The following F2RL1 variants were observed in gnomAD, a reference collection of about 807,000 sequenced individuals.
The protein encoded by F2RL1 is F2R like trypsin receptor 1.
A neutral mutation model predicts 21.7 loss-of-function variants in F2RL1; 16 were observed. The observed-to-expected ratio is 0.74, with a 90% confidence interval of 0.50 to 1.12. The LOEUF (loss-of-function observed/expected upper bound fraction) is 1.12. Among genes scored for constraint, F2RL1 ranks in the 50% most tolerant of loss-of-function variants. The pLI is 0.00. For synonymous variants in F2RL1, 181 were observed against 186.7 expected, an observed-to-expected ratio of 0.97 and a Z score of 0.25; for missense variants, 432 against 477.8, an observed-to-expected ratio of 0.90 and a Z score of 0.89.
intron 1 of F2RL1, among the ~76,000 whole-genome samples, chr5:76,823,012 C>G (rs1235047651): frequency 6.6e-6 from 1 of 152,120 alleles, no homozygotes; most frequent in Admixed American, 6.6e-5. Context: ...GGGTGGATCA[C>G]AAGGTCAGGA....
In F2RL1 at chr5:76,833,583, T is replaced by C. The variant is rs1359132042; in HGVS notation, c.976T>C (p.Tyr326His). 2 of 1,613,812 alleles carry C rather than the reference T, an allele frequency of 1.2e-6. No individual in the cohort carries two copies. The highest frequency in any genetic ancestry group is 1.7e-6 in the Non-Finnish European group (2 of 1,179,998). Residue 326 changes from tyrosine (Y) to histidine (H), a missense_variant, in exon 2 of 2, where the codon TAC becomes CAC. Coordinates refer to ENST00000296677, the MANE Select transcript of F2RL1 (RefSeq NM_005242.6). ...SQGQSHVYALYIVALCLSTLN... is the reference protein window; with the variant it reads ...SQGQSHVYALHIVALCLSTLN... The stretch of plus-strand genomic sequence containing the variant: ...GGGCCAGAGCCATGTCTATGCCCTG[T>C]ACATTGTAGCCCTCTGCCTCTCTAC...
rs1361953116 is a variant in F2RL1 at position 76,833,383 on chromosome 5, C to T, written c.776C>T (p.Ala259Val). The change falls in exon 2 of 2, where the codon GCC becomes GTC. Residue 259 changes from alanine (A) to valine (V), a missense_variant. Physicochemically the swap from Ala to Val is moderately conservative, Grantham distance 64. Transcript: ENST00000296677. ...TTTCTGTTCCCAGCCTTCCTCACAG[C>T]CTCTGCCTATGTGCTGATGATCAGA... is the stretch of plus-strand genomic sequence containing the variant. ...GVFLFPAFLT[A>V]SAYVLMIRML... 1 of 1,613,930 alleles carries T rather than the reference C, an allele frequency of 6.2e-7. No homozygotes were observed. Among genetic ancestry groups the T allele is most frequent in the Admixed American group, 1.7e-5 (1 of 59,992 alleles).
intron 1 of F2RL1, among the ~76,000 whole-genome samples, chr5:76,823,355 TTG>T (rs766644664): frequency 8.0e-5 from 12 of 149,402 alleles, no homozygotes; most frequent in Non-Finnish European, 1.2e-4. Context: ...CGGGTTTTGT[TTG>T]TTTGGTTGGT....
intron 1 of F2RL1, among the ~76,000 whole-genome samples, chr5:76,822,816 A>C (rs1691239959): frequency 6.6e-6 from 1 of 152,136 alleles, no homozygotes; most frequent in African/African-American, 2.4e-5. Flanking sequence ...ATTTGGGGTG[A>C]GGGGATCATA....
At position 76,825,339 on chromosome 5, in the gene F2RL1, G is replaced by A. The variant is rs543717262; in HGVS notation, c.82+6075G>A. The stretch of plus-strand genomic sequence containing the variant: ...TTTCAATTGACTGTATATTGTGGCT[G>A]TCTTTCCATTTCAATATTATTGGCT... On this transcript the variant is annotated intron_variant, in intron 1 of 1. Transcript: ENST00000296677. Among the ~76,000 whole-genome samples, 203 of 152,130 alleles carry A rather than the reference G, an allele frequency of 1.3e-3. No individual in the cohort carries two copies. In the Middle Eastern group the frequency reaches 0.02, roughly 15 times the overall value.
chr5:76,819,304 G>T, intron 1 of F2RL1, 40 bp downstream of exon 1: 9 of 1,536,494 alleles, frequency 5.9e-6, no homozygotes, highest in Non-Finnish European at 7.0e-6. Flanking sequence ...TCTCTGAGGA[G>T]CTGGGGTCCT....
chr5:76,819,483 C>T (rs1249098577), intron 1 of F2RL1, among the ~76,000 whole-genome samples: 1 of 152,088 alleles, frequency 6.6e-6, no homozygotes, highest in African/African-American at 2.4e-5. Context: ...GTCAGCGGAG[C>T]CGGGCAGAGG....
At chr5:76,820,096 G>T (rs1423927723) in intron 1 of F2RL1, among the ~76,000 whole-genome samples, 1 of 152,212 alleles carries the variant, frequency 6.6e-6, no homozygotes, top group African/African-American at 2.4e-5. Context: ...ACCCAGGTCT[G>T]CAGGCCAGAG....
intron 1 of F2RL1, among the ~76,000 whole-genome samples, chr5:76,824,604 G>A (rs920480929): frequency 3.9e-5 from 6 of 152,148 alleles, no homozygotes; most frequent in African/African-American, 7.2e-5. Context: ...TGGGTTTACA[G>A]GCGTGAGCCA....
chr5:76,832,288 A>G (rs1409819615), intron 1 of F2RL1, among the ~76,000 whole-genome samples: 1 of 152,128 alleles, frequency 6.6e-6, no homozygotes, highest in East Asian at 1.9e-4. Context: ...CTCTAATAGT[A>G]CATTTCTGTT....
intron 1 of F2RL1, among the ~76,000 whole-genome samples, chr5:76,823,962 G>A (rs1415435014): frequency 1.3e-5 from 2 of 151,514 alleles, no homozygotes; most frequent in Middle Eastern, 6.9e-3. Flanking sequence ...ACAGACGCCC[G>A]CCACCATGCC....
At position 76,819,169 on chromosome 5, in the gene F2RL1, G is replaced by A. The variant is rs1173018316; in HGVS notation, c.-14G>A. 1.3e-6 allele frequency: 2 copies of A among 1,570,890 alleles called. No individual in the cohort carries two copies. Among genetic ancestry groups the A allele is most frequent in the Admixed American group, 3.8e-5 (2 of 53,222 alleles). On this transcript the variant is annotated 5_prime_UTR_variant, in exon 1 of 2. Coordinates refer to ENST00000296677, the MANE Select transcript of F2RL1 (RefSeq NM_005242.6). Reference sequence around the variant, plus strand: ...CGGATTCCCCGCGCGCCCGGCGTCGGGGCTTCCAGGAGGATGCGGAGCCCC... The same window carrying A: ...CGGATTCCCCGCGCGCCCGGCGTCGAGGCTTCCAGGAGGATGCGGAGCCCC...
chr5:76,823,746 T>C (rs1479546434), intron 1 of F2RL1, among the ~76,000 whole-genome samples: 1 of 151,902 alleles, frequency 6.6e-6, no homozygotes, highest in Admixed American at 6.6e-5. Context: ...CTGTACATAC[T>C]GTGCTATGAT....
intron 1 of F2RL1, 113 bp from the exon 2 acceptor site, chr5:76,832,577 C>A (rs1750368515): frequency 9.3e-7 from 1 of 1,077,358 alleles, no homozygotes; most frequent in Non-Finnish European, 1.3e-6. Context: ...ACAGCGAGAC[C>A]CTGTCTCATA....
chr5:76,819,523 G>A (rs771683866), intron 1 of F2RL1, among the ~76,000 whole-genome samples: 2 of 152,158 alleles, frequency 1.3e-5, no homozygotes, highest in Non-Finnish European at 2.9e-5. Flanking sequence ...CCCACTTCCC[G>A]TAGAGGCTGT....
At position 76,833,941 on chromosome 5, in the gene F2RL1, G is replaced by A; in HGVS notation, c.*140G>A. ...GCAGCACCTCTCAGGATTGCTAGGA[G>A]CTCCCCTGTTTGCATGAGAAAAGTA... On this transcript the variant is annotated 3_prime_UTR_variant, in exon 2 of 2. Transcript: ENST00000296677. 2.3e-6 allele frequency: 2 copies of A among 867,366 alleles called. No homozygotes were observed. The highest frequency in any genetic ancestry group is 3.7e-5 in the South Asian group (2 of 53,558). The allele number at this position is 867,366 out of a possible 1,614,324, so 53.7% of individuals were successfully genotyped here.
intron 1 of F2RL1, among the ~76,000 whole-genome samples, chr5:76,831,534 G>T (rs1188874040): frequency 2.4e-5 from 2 of 84,194 alleles, no homozygotes; most frequent in Non-Finnish European, 2.3e-5. Flanking sequence ...TTCCTAAACT[G>T]ATTTTTTTTT....
chr5:76,830,181 T>A (rs1750325933), intron 1 of F2RL1, among the ~76,000 whole-genome samples: 1 of 152,252 alleles, frequency 6.6e-6, no homozygotes, highest in Non-Finnish European at 1.5e-5. Context: ...ATTCTTGGCC[T>A]GTTCCTTGAT....
rs1199307352 is a variant in F2RL1, at chr5:76,835,040, G to T, written c.*1239G>T. 6.6e-6 allele frequency: 1 copy of T among 152,306 alleles called. No individual in the cohort carries two copies. The highest frequency in any genetic ancestry group is 1.9e-4 in the East Asian group (1 of 5,340). The allele number at this position is 152,306 out of a possible 1,614,324, so 9.4% of individuals were successfully genotyped here. A position where few individuals can be genotyped will look rare whatever the true frequency, so the allele number is the denominator to read the frequency against. Reference sequence around the variant, plus strand: ...AAATTTTCAGGTAGTCTGAGTAATAGATTGTTTTGCCACTTAGAATAGCAT... The same window carrying T: ...AAATTTTCAGGTAGTCTGAGTAATATATTGTTTTGCCACTTAGAATAGCAT... On this transcript the variant is annotated 3_prime_UTR_variant, in exon 2 of 2. Coordinates refer to ENST00000296677, the MANE Select transcript of F2RL1 (RefSeq NM_005242.6).
Sources: gnomAD v4.1 joint callset for allele counts (sites outside exome capture counted in the v4.1 genomes callset) on GRCh38, gnomAD v4.1.1 for gene constraint, MANE v1.5 for transcripts, NCBI Gene and HGNC (gene_info 2026-07-23, HGNC 2026-07-21) for gene names.